CDC20B: variants seen among roughly 807,000 people sequenced by gnomAD.
The protein encoded by CDC20B is cell division cycle 20B.
Under a neutral mutation model 64.1 loss-of-function variants are expected in CDC20B, and 58 were observed. The ratio of observed to expected loss-of-function variants is 0.90; its 90% CI spans 0.73 to 1.13. The LOEUF (loss-of-function observed/expected upper bound fraction) is 1.13. Ranked by LOEUF, CDC20B falls within the 50% of genes most tolerant of loss-of-function variation. The probability of loss-of-function intolerance (pLI) is 0.00; values close to 1 mark genes in which losing one functional copy is unlikely to be tolerated. For synonymous variants in CDC20B, 243 were observed against 230.6 expected (o/e 1.05, Z -0.49); for missense variants, 597 against 633.0 (o/e 0.94, Z 0.61).
At chr5:55,144,287 A>G (rs1211808558) in intron 3 of CDC20B, among the ~76,000 whole-genome samples, 1 of 152,212 alleles carries the variant, frequency 6.6e-6, no homozygotes, top group Non-Finnish European at 1.5e-5. Flanking sequence ...TGTTACTTGC[A>G]TCAATATTAT....
At chr5:55,120,648 C>G in intron 9 of CDC20B, 98 bp from the exon 10 acceptor site, 1 of 1,413,500 alleles carries the variant, frequency 7.1e-7, no homozygotes, top group Non-Finnish European at 9.8e-7. Context: ...CCCACGTCTG[C>G]ACCTGTCACA....
intron 2 of CDC20B, among the ~76,000 whole-genome samples, chr5:55,147,213 TATGTTTTATATATTTATATATTATATAA>T (rs1259012679): frequency 0.19 from 12,464 of 67,100 alleles, 790 homozygotes; most frequent in East Asian, 0.31. Flanking sequence ...ATAAATATGT[TATGTTTTATATATTTATATATTATATAA>T]ACATAAATAT....
chr5:55,173,174 C>T lies in CDC20B; in HGVS notation c.-174G>A. The T allele has an allele frequency of 1.7e-6, 1 of 591,036 alleles. No individual in the cohort carries two copies. The highest frequency in any genetic ancestry group is 3.0e-6 in the Non-Finnish European group (1 of 335,020). The allele number at this position is 591,036 out of a possible 1,614,324, so 36.6% of individuals were successfully genotyped here. On this transcript the variant is annotated 5_prime_UTR_variant, in exon 1 of 12. Transcript: ENST00000381375. ...AGGTCCCCCACTCCTCCCACCGCCG[C>T]TGCAAGGTGTTCCCCAGGGTACCAT...
chr5:55,130,274 T>G (rs1382634204), intron 6 of CDC20B, among the ~76,000 whole-genome samples: 1 of 152,126 alleles, frequency 6.6e-6, no homozygotes, highest in Admixed American at 6.6e-5. Flanking sequence ...AATAGCAGGA[T>G]AGAGGTGATA....
rs933971530 is a variant in CDC20B at position 55,144,023 on chromosome 5, C to T, written c.356-380G>A. On this transcript the variant is annotated intron_variant, in intron 3 of 11. Coordinates refer to ENST00000381375, the MANE Select transcript of CDC20B (RefSeq NM_001170402.1). ...AAAAAAAAAAAAAACCAGATTTGCA[C>T]ATTTGAAGAATGGATAGAAACAGTT... Among the ~76,000 whole-genome samples, 16 of 149,872 alleles carry T rather than the reference C, an allele frequency of 1.1e-4. No individual in the cohort carries two copies. The South Asian group carries it at 1.7e-3, about 16-fold the overall frequency.
intron 2 of CDC20B, among the ~76,000 whole-genome samples, chr5:55,163,433 A>G (rs1286803826): frequency 6.6e-6 from 1 of 152,096 alleles, no homozygotes; most frequent in Non-Finnish European, 1.5e-5. Context: ...TCAAAATACA[A>G]AAATTTGCCT....
chr5:55,172,714 G>T, intron 1 of CDC20B, 64 bp from the exon 2 acceptor site: 2 of 1,260,630 alleles, frequency 1.6e-6, no homozygotes, highest in South Asian at 1.2e-5. Flanking sequence ...TTTCAGGTGT[G>T]GAATTTTTCT....
At chr5:55,129,932 A>C (rs1742987220) in intron 6 of CDC20B, among the ~76,000 whole-genome samples, 1 of 152,260 alleles carries the variant, frequency 6.6e-6, no homozygotes, top group African/African-American at 2.4e-5. Flanking sequence ...ATCCAGACAC[A>C]ATTCAAAATT....
chr5:55,169,719 T>C (rs1326399415), intron 2 of CDC20B, among the ~76,000 whole-genome samples: 1 of 152,238 alleles, frequency 6.6e-6, no homozygotes, highest in Admixed American at 6.5e-5. Context: ...AAAAATGTTT[T>C]AGTTGACTGA....
At chr5:55,126,466 CAAAAAAAAAA>C in intron 8 of CDC20B, 1 of 94,818 alleles carries the variant, frequency 1.1e-5, no homozygotes, top group Non-Finnish European at 1.9e-5. Context: ...GATTCCATGT[CAAAAAAAAAA>C]AAAAAAAAAA....
At chr5:55,168,851 G>A (rs6450296) in intron 2 of CDC20B, among the ~76,000 whole-genome samples, 7,092 of 152,190 alleles carry the variant, frequency 0.047, 547 homozygotes, top group African/African-American at 0.16. Context: ...TACAAGGACT[G>A]AAAAACTATC....
chr5:55,115,917 G>T (rs537867290), intron 11 of CDC20B, among the ~76,000 whole-genome samples: 6 of 152,010 alleles, frequency 3.9e-5, no homozygotes, highest in Non-Finnish European at 5.9e-5. Context: ...ACACACACAC[G>T]CACCAGTAAA....
At chr5:55,118,950 G>T (rs758254113) in intron 11 of CDC20B, among the ~76,000 whole-genome samples, 2 of 152,196 alleles carry the variant, frequency 1.3e-5, no homozygotes, top group Non-Finnish European at 2.9e-5. Flanking sequence ...TCTCACAAAA[G>T]TGTAGGCTCC....
rs371884127 is a variant in CDC20B at position 55,150,457 on chromosome 5, C to G, written c.127-3601G>C. On this transcript the variant is annotated intron_variant, in intron 2 of 11. Transcript: ENST00000381375. ...CAGCCCCCAGGGGGCGAGGCCGGCT[C>G]TCTCTCCACTGCTGCTCTGTGCTCT... Among the ~76,000 whole-genome samples, 6 of 152,226 alleles carry G rather than the reference C, an allele frequency of 3.9e-5. No homozygotes were observed. The East Asian group carries it at 7.7e-4, about 20-fold the overall frequency.
chr5:55,148,957 T>C (rs1269678850), intron 2 of CDC20B, among the ~76,000 whole-genome samples: 2 of 152,238 alleles, frequency 1.3e-5, no homozygotes, highest in African/African-American at 4.8e-5. Flanking sequence ...CTCACCTGTC[T>C]GACCCCAGAG....
chr5:55,137,752 G>A, intron 5 of CDC20B: 1 of 444,720 alleles, frequency 2.2e-6, no homozygotes, highest in Non-Finnish European at 4.5e-6. Flanking sequence ...TTTTTTAAGG[G>A]GTGAAGACAC....
Position 55,114,456 on chromosome 5 carries a change from G to T in CDC20B, c.1460-138C>A. ...TCCCACACCCACCAGGTTCAGAGCTGCCACCAACTGAGCCATGCTGGGAGA... is the reference window on the plus strand; with the variant it reads ...TCCCACACCCACCAGGTTCAGAGCTTCCACCAACTGAGCCATGCTGGGAGA... On this transcript the variant is annotated intron_variant, in intron 11 of 11. Coordinates refer to ENST00000381375, the MANE Select transcript of CDC20B (RefSeq NM_001170402.1). This position sits in a 1 kb window ranked among gnomAD's most constrained non-coding sequence, Gnocchi z 4.1. The T allele has an allele frequency of 7.0e-7, 1 of 1,437,902 alleles. No individual in the cohort carries two copies. The highest frequency in any genetic ancestry group is 9.2e-7 in the Non-Finnish European group (1 of 1,089,462). 89.1% of individuals were successfully genotyped at this position (1,437,902 alleles called of 1,614,324 possible).
chr5:55,114,005 G>A lies in CDC20B; in HGVS notation c.*213C>T, dbSNP rs1388037364. The A allele has an allele frequency of 1.3e-6, 1 of 763,034 alleles. No individual in the cohort carries two copies. The highest frequency in any genetic ancestry group is 1.9e-6 in the Non-Finnish European group (1 of 521,516). 47.3% of individuals were successfully genotyped at this position (763,034 alleles called of 1,614,324 possible). ...AAGAAGAGGAGGGGGAGGAAGAGGG[G>A]CAGAAAGAAGAAAGCAGAGAAGAAA... On this transcript the variant is annotated 3_prime_UTR_variant, in exon 12 of 12. Coordinates refer to ENST00000381375, the MANE Select transcript of CDC20B (RefSeq NM_001170402.1). The surrounding 1 kb of genome is among the most constrained non-coding windows in gnomAD (Gnocchi z 4.1).
At chr5:55,155,084 G>A (rs1391735029) in intron 2 of CDC20B, among the ~76,000 whole-genome samples, 1 of 152,132 alleles carries the variant, frequency 6.6e-6, no homozygotes, top group Admixed American at 6.5e-5. Flanking sequence ...TAGAAAGGAA[G>A]AGGAAGATAA....
Sources: allele counts gnomAD v4.1 joint callset (sites outside exome capture counted in the v4.1 genomes callset), GRCh38; gene constraint gnomAD v4.1.1; non-coding constraint Gnocchi (gnomAD v3.1); transcripts MANE v1.5; gene names NCBI Gene and HGNC (gene_info 2026-07-23, HGNC 2026-07-21).